ADGRG1: variants seen among roughly 807,000 people sequenced by gnomAD.
ADGRG1 encodes the protein adhesion G protein-coupled receptor G1, also known as 7-transmembrane protein with no EGF-like N-terminal domains-1.
In ADGRG1, 53 loss-of-function variants were observed where a neutral mutation model predicts 73.5. The observed-to-expected ratio is 0.72, with a 90% CI of 0.58 to 0.91. ADGRG1 has a LOEUF of 0.91. Among genes scored for constraint, ADGRG1 ranks in the 40% least tolerant of loss-of-function variants. The pLI, the probability that ADGRG1 is intolerant of heterozygous loss-of-function variation, is 0.00. For missense variants in ADGRG1, 795 were observed against 871.8 expected, an observed-to-expected ratio of 0.91 and a Z score of 1.11; for synonymous variants, 394 against 374.4, an observed-to-expected ratio of 1.05 and a Z score of -0.60.
intron 1 of ADGRG1, chr16:57,639,333 G>T: frequency 1.0e-6 from 1 of 985,524 alleles, no homozygotes. Flanking sequence ...ACGTTGCTTT[G>T]CTGGGTCTGA....
chr16:57,633,233 C>A, intron 1 of ADGRG1: 1 of 758,420 alleles, frequency 1.3e-6, no homozygotes, highest in Non-Finnish European at 1.6e-6. Context: ...GTACCTAGCA[C>A]AGTGCATGAC....
At chr16:57,623,088 A>G (rs114680037), upstream of ADGRG1, 3,224 of 982,026 alleles carry the variant, frequency 3.3e-3, 55 homozygotes, top group African/African-American at 0.043. Context: ...GACCTGAGTC[A>G]GTCCCTTTCC....
chr16:57,654,098 G>T lies in ADGRG1; in HGVS notation c.733G>T (p.Gly245Cys). Reference protein sequence around the residue: ...ATVWKLQPTAGLQDLHIHSRQ... With the variant: ...ATVWKLQPTACLQDLHIHSRQ... ...GGTGTGGAAGCTCCAGCCCACAGCC[G>T]GCCTCCAGGACCTGCACATCCACTC... The change falls in exon 5 of 14, where the codon GGC becomes TGC. Residue 245 changes from glycine (G) to cysteine (C), a missense_variant. Physicochemically the swap from Gly to Cys is radical, Grantham distance 159 (BLOSUM62 -3). Transcript: ENST00000562631. 6.2e-7 allele frequency: 1 copy of T among 1,613,636 alleles called. No individual in the cohort carries two copies. The highest frequency in any genetic ancestry group is 8.5e-7 in the Non-Finnish European group (1 of 1,180,022).
Position 57,650,296 on chromosome 16 carries a change from C to G in ADGRG1, c.9C>G (p.Pro3=). The G allele has an allele frequency of 6.2e-7, 1 of 1,613,612 alleles. No homozygotes were observed. The highest frequency in any genetic ancestry group is 1.1e-5 in the South Asian group (1 of 91,068). Residue 3 remains proline (P), a synonymous_variant, in exon 2 of 14, where the codon CCC becomes CCG. Transcript: ENST00000562631. The part of the protein sequence containing the change: MT[P]QSLLQTTLFL... ...GACTCCGTCGGAGGAAAATGACTCC[C>G]CAGTCGCTGCTGCAGACGACACTGT...
chr16:57,661,725 T>A lies in ADGRG1; in HGVS notation c.1693T>A (p.Tyr565Asn). The A allele has an allele frequency of 6.2e-7, 1 of 1,614,066 alleles. No homozygotes were observed. Among genetic ancestry groups the A allele is most frequent in the Non-Finnish European group, 8.5e-7 (1 of 1,179,968 alleles). ...MCWIRDSLVS[Y>N]ITNLGLFSLV... ...CTGGATCCGGGACTCCCTGGTCAGC[T>A]ACATCACCAACCTGGGCCTCTTCAG... The change falls in exon 13 of 14, where the codon TAC becomes AAC. Residue 565 changes from tyrosine (Y) to asparagine (N), a missense_variant. Tyr to Asn is a moderately radical substitution (Grantham distance 143). Transcript: ENST00000562631.
At chr16:57,640,434 T>C (rs545457811) in intron 1 of ADGRG1, among the ~76,000 whole-genome samples, 2 of 152,356 alleles carry the variant, frequency 1.3e-5, no homozygotes, top group African/African-American at 2.4e-5. Flanking sequence ...GTGATGGTAC[T>C]TGTCTCAAGG....
Position 57,655,497 on chromosome 16 carries a change from C to A in ADGRG1, c.867C>A (p.Leu289=). 1 of 1,613,876 alleles carries A rather than the reference C, an allele frequency of 6.2e-7. No homozygotes were observed. Among genetic ancestry groups the A allele is most frequent in the Non-Finnish European group, 8.5e-7 (1 of 1,180,014 alleles). Residue 289 remains leucine, a synonymous_variant, in exon 6 of 14, where the codon CTC becomes CTA. Transcript: ENST00000562631. ...GCGGGGAGGCTGAGAAGAGACTCCT[C>A]CTGGTGGACTTCAGCAGCCAAGCCC... ...GRSGEAEKRL[L]LVDFSSQALF...
At chr16:57,638,264 C>T (rs1420956473) in intron 1 of ADGRG1, among the ~76,000 whole-genome samples, 1 of 152,152 alleles carries the variant, frequency 6.6e-6, no homozygotes, top group African/African-American at 2.4e-5. Flanking sequence ...AATTCCATAC[C>T]CTTCCCTTAC....
intron 1 of ADGRG1, chr16:57,637,271 T>A (rs1306559118): frequency 2.0e-6 from 2 of 977,370 alleles, no homozygotes; most frequent in African/African-American, 3.5e-5. Flanking sequence ...ATGTTGTAGG[T>A]GTGAAGTAAG....
rs1469604332 is a variant in ADGRG1, at chr16:57,628,931, T to A, written c.-36+129T>A. On this transcript the variant is annotated intron_variant, in intron 1 of 13. Coordinates refer to ENST00000562631, the MANE Select transcript of ADGRG1 (RefSeq NM_201525.4). Reference sequence around the variant, plus strand: ...GAGTGTGTGAGAGTGAGTGTGAGTGTGAGTGTGAGCGTGAGAGTGTGAGAG... The same window carrying A: ...GAGTGTGTGAGAGTGAGTGTGAGTGAGAGTGTGAGCGTGAGAGTGTGAGAG... 9 of 709,932 alleles carry A rather than the reference T, an allele frequency of 1.3e-5. No homozygotes were observed. The East Asian group carries it at 8.8e-4, about 70-fold the overall frequency. The allele number at this position is 709,932 out of a possible 1,614,324, so 44.0% of individuals were successfully genotyped here.
At chr16:57,652,379 A>C (rs1385567775) in intron 3 of ADGRG1, among the ~76,000 whole-genome samples, 1 of 152,054 alleles carries the variant, frequency 6.6e-6, no homozygotes, top group Non-Finnish European at 1.5e-5. Flanking sequence ...GGTGGGGGGC[A>C]CAGCACTTTG....
intron 6 of ADGRG1, 102 bp downstream of exon 6, chr16:57,655,632 GCCTTT>G (rs1191277393): frequency 1.3e-5 from 20 of 1,591,044 alleles, no homozygotes; most frequent in Non-Finnish European, 1.7e-5. Context: ...GGGAGTCAAA[GCCTTT>G]CCTTGTAAAG....
chr16:57,640,822 TAAGTGTCCTGCGCTCCA>T, intron 1 of ADGRG1: 4 of 913,884 alleles, frequency 4.4e-6, no homozygotes, highest in Non-Finnish European at 5.2e-6. Context: ...CTGGGAATGC[TAAGTGTCCTGCGCTCCA>T]AAGATGGGAG....
chr16:57,653,197 C>T lies in ADGRG1; in HGVS notation c.488-6C>T. The T allele has an allele frequency of 1.9e-6, 3 of 1,607,646 alleles. No homozygotes were observed. Among genetic ancestry groups the T allele is most frequent in the Non-Finnish European group, 1.7e-6 (2 of 1,179,886 alleles). ...CTCGGCGGGGGCCTGTCCACCCCTC[C>T]CCCAGGTCCTCCCCACACGGCCGCT... is the stretch of plus-strand genomic sequence containing the variant. On this transcript the variant is annotated splice_polypyrimidine_tract_variant and splice_region_variant and intron_variant, in intron 3 of 13. Transcript: ENST00000562631.
chr16:57,657,104 A>G (rs922658769), intron 9 of ADGRG1, among the ~76,000 whole-genome samples: 1 of 152,244 alleles, frequency 6.6e-6, no homozygotes, highest in African/African-American at 2.4e-5. Flanking sequence ...TTATAGAAGA[A>G]TAATCAATGC....
At chr16:57,635,478 A>G (rs2039124416) in intron 1 of ADGRG1, 1 of 985,254 alleles carries the variant, frequency 1.0e-6, no homozygotes, top group Non-Finnish European at 1.2e-6. Context: ...GTGTCTCTTC[A>G]TGGAGATCCT....
intron 13 of ADGRG1, 115 bp downstream of exon 13, chr16:57,662,080 C>T: frequency 1.1e-6 from 1 of 869,836 alleles, no homozygotes; most frequent in South Asian, 1.4e-5. Flanking sequence ...TCAGTCATCC[C>T]ATTCATAAAA....
upstream of ADGRG1, chr16:57,623,226 C>G: frequency 1.0e-6 from 1 of 985,312 alleles, no homozygotes; most frequent in Non-Finnish European, 1.2e-6. Context: ...TGCTCCAAGT[C>G]TAGAACCTTC....
At position 57,650,366 on chromosome 16, in the gene ADGRG1, G is replaced by T. The variant is rs200303272; in HGVS notation, c.64+15G>T. On this transcript the variant is annotated intron_variant, in intron 2 of 13. Transcript: ENST00000562631. ...CCTGGTCCAAGGCAGGTCTTCCCAG[G>T]GGTGCCCTGGGCTGTTGGAACTTAC... is the stretch of plus-strand genomic sequence containing the variant. 6.3e-4 allele frequency: 1,021 copies of T among 1,608,686 alleles called. 12 individuals are homozygous for T. The South Asian group carries it at 0.011, about 17-fold the overall frequency.
Sources: gnomAD v4.1 joint callset for allele counts (sites outside exome capture counted in the v4.1 genomes callset) on GRCh38, gnomAD v4.1.1 for gene constraint, MANE v1.5 for transcripts, NCBI Gene and HGNC (gene_info 2026-07-23, HGNC 2026-07-21) for gene names.